Variants in PPP4R3B observed in about 807,000 individuals in gnomAD.
The protein encoded by PPP4R3B is serine/threonine-protein phosphatase 4 regulatory subunit 3B.
In PPP4R3B, 52 loss-of-function variants were observed where a neutral mutation model predicts 95.4. The ratio of observed to expected loss-of-function variants is 0.54; its 90% CI spans 0.44 to 0.69. PPP4R3B has a LOEUF of 0.69. Among genes scored for constraint, PPP4R3B ranks in the 30% least tolerant of loss-of-function variants. The pLI is 0.00. For synonymous variants in PPP4R3B, 407 were observed against 343.9 expected (o/e 1.18, Z -2.03); for missense variants, 1,003 against 1,005.9 (o/e 1.00, Z 0.04).
At chr2:55,615,664 G>A (rs1295598670) in intron 1 of PPP4R3B, among the ~76,000 whole-genome samples, 158 bp from the exon 2 acceptor site, 5 of 151,892 alleles carry the variant, frequency 3.3e-5, no homozygotes, top group Admixed American at 3.3e-4. Flanking sequence ...GACCATTCCA[G>A]CCAACATGGT....
intron 2 of PPP4R3B, among the ~76,000 whole-genome samples, chr2:55,609,320 T>A (rs1422959508): frequency 6.6e-6 from 1 of 152,198 alleles, no homozygotes; most frequent in Non-Finnish European, 1.5e-5. Flanking sequence ...AGGCCTTTTA[T>A]GATTCTTAAA....
At chr2:55,608,015 CTTTT>C (rs887061087) in intron 2 of PPP4R3B, among the ~76,000 whole-genome samples, 1 of 151,932 alleles carries the variant, frequency 6.6e-6, no homozygotes, top group African/African-American at 2.4e-5. Flanking sequence ...TTTTGCTCTT[CTTTT>C]TTTTGATACA....
At chr2:55,580,039 T>C (rs1689230967) in intron 8 of PPP4R3B, among the ~76,000 whole-genome samples, 1 of 152,184 alleles carries the variant, frequency 6.6e-6, no homozygotes, top group Non-Finnish European at 1.5e-5. Flanking sequence ...TCATATTATG[T>C]ACTAAGTAAA....
intron 2 of PPP4R3B, chr2:55,614,066 G>GA (rs551094535): frequency 6.6e-6 from 1 of 151,990 alleles, no homozygotes; most frequent in Non-Finnish European, 1.5e-5. Context: ...TCTAAACAGA[G>GA]AAAAAAGCTA....
At chr2:55,565,724 G>A (rs1035642905) in intron 13 of PPP4R3B, 12 of 211,526 alleles carry the variant, frequency 5.7e-5, no homozygotes, top group South Asian at 5.3e-4. Context: ...TTTTCTTTCT[G>A]GTACATTTGT....
chr2:55,565,587 A>AT (rs1345475262), intron 13 of PPP4R3B: 1 of 152,176 alleles, frequency 6.6e-6, no homozygotes, highest in Non-Finnish European at 1.5e-5. Flanking sequence ...TAAAAAATAA[A>AT]TACATGTACC....
intron 13 of PPP4R3B, among the ~76,000 whole-genome samples, chr2:55,566,030 A>C (rs1365584425): frequency 6.6e-6 from 1 of 152,192 alleles, no homozygotes; most frequent in African/African-American, 2.4e-5. Flanking sequence ...ATAACTTCTA[A>C]ATTCTAAACC....
intron 5 of PPP4R3B, 113 bp from the exon 6 acceptor site, chr2:55,586,847 G>A (rs1388919428): frequency 8.7e-6 from 5 of 572,960 alleles, no homozygotes; most frequent in Non-Finnish European, 1.5e-5. Context: ...CATCTTTTTG[G>A]AGTATGCTGG....
chr2:55,581,528 A>C (rs369540030), intron 8 of PPP4R3B, 39 bp downstream of exon 8: 27 of 1,592,938 alleles, frequency 1.7e-5, no homozygotes, highest in African/African-American at 2.7e-5. Context: ...CCTAAAACTG[A>C]CTAGGCCAAA....
At chr2:55,586,318 C>G (rs1690136187) in intron 6 of PPP4R3B, among the ~76,000 whole-genome samples, 1 of 152,092 alleles carries the variant, frequency 6.6e-6, no homozygotes, top group South Asian at 2.1e-4. Flanking sequence ...ACTCACTGAT[C>G]TAAAAACAAA....
intron 7 of PPP4R3B, among the ~76,000 whole-genome samples, chr2:55,584,347 A>C (rs1330993473): frequency 6.6e-6 from 1 of 152,038 alleles, no homozygotes; most frequent in Non-Finnish European, 1.5e-5. Flanking sequence ...TCTTTTTTTT[A>C]ATGTTTTTTA....
At chr2:55,591,144 CT>C (rs568526753) in intron 4 of PPP4R3B, among the ~76,000 whole-genome samples, 80 of 143,384 alleles carry the variant, frequency 5.6e-4, no homozygotes, top group Non-Finnish European at 6.8e-4. Context: ...TTAGTTTTTC[CT>C]TTTTTTTTTT....
At position 55,568,371 on chromosome 2, in the gene PPP4R3B, A is replaced by G. The variant is rs991577166; in HGVS notation, c.1766-8T>C. The G allele has an allele frequency of 6.3e-7, 1 of 1,586,904 alleles. No individual in the cohort carries two copies. Among genetic ancestry groups the G allele is most frequent in the African/African-American group, 1.4e-5 (1 of 73,756 alleles). On this transcript the variant is annotated splice_polypyrimidine_tract_variant and splice_region_variant and intron_variant, in intron 12 of 16. Coordinates refer to ENST00000616407, the MANE Select transcript of PPP4R3B (RefSeq NM_001122964.3). ...TCATAAAGCGAAGGGCACCTAATTA[A>G]AAATAATATAGGGAATAAGTTAATG...
intron 12 of PPP4R3B, 46 bp downstream of exon 12, chr2:55,573,573 T>A: frequency 6.7e-7 from 1 of 1,495,342 alleles, no homozygotes; most frequent in Non-Finnish European, 8.9e-7. Context: ...TAACTTCAGT[T>A]TTATCTCTAT....
In PPP4R3B at chr2:55,617,184, CTCCTCCACGTAA is replaced by C; in HGVS notation, c.90_101del (p.Tyr31_Glu34del). ...GAACCAGCAGCGACATCCCCTTGAG[CTCCTCCACGTAA>C]GTGGAGGAGACGTGCCCGGTGCCTC... On this transcript the variant is annotated inframe_deletion, in exon 1 of 17. Coordinates refer to ENST00000616407, the MANE Select transcript of PPP4R3B (RefSeq NM_001122964.3). 1 of 1,613,994 alleles carries C rather than the reference CTCCTCCACGTAA, an allele frequency of 6.2e-7. No individual in the cohort carries two copies. Among genetic ancestry groups the C allele is most frequent in the Non-Finnish European group, 8.5e-7 (1 of 1,179,922 alleles).
chr2:55,589,736 A>G (rs957342225), intron 4 of PPP4R3B, among the ~76,000 whole-genome samples: 2 of 151,314 alleles, frequency 1.3e-5, no homozygotes, highest in Non-Finnish European at 2.9e-5. Context: ...TAACATGGTA[A>G]AACCCTGTCT....
At chr2:55,573,521 C>T in intron 12 of PPP4R3B, 98 bp downstream of exon 12, 1 of 1,107,684 alleles carries the variant, frequency 9.0e-7, no homozygotes, top group Non-Finnish European at 1.3e-6. Context: ...ACAATCATCT[C>T]ATTCATAGAA....
chr2:55,611,438 CTT>C (rs1183076304), intron 2 of PPP4R3B, among the ~76,000 whole-genome samples: 1 of 152,220 alleles, frequency 6.6e-6, no homozygotes, highest in Non-Finnish European at 1.5e-5. Flanking sequence ...TAATGATTCT[CTT>C]CTCTTTCCAA....
At position 55,564,515 on chromosome 2, in the gene PPP4R3B, C is replaced by A. The variant is rs1687039498; in HGVS notation, c.2076-18G>T. Reference sequence around the variant, plus strand: ...ATGGTACACTGTAAGAAATATATCACAAATATTGAGTAATGATTTAAAGTT... The same window carrying A: ...ATGGTACACTGTAAGAAATATATCAAAAATATTGAGTAATGATTTAAAGTT... On this transcript the variant is annotated intron_variant, in intron 14 of 16. Transcript: ENST00000616407. The A allele has an allele frequency of 1.3e-6, 2 of 1,558,908 alleles. No homozygotes were observed. The highest frequency in any genetic ancestry group is 8.6e-7 in the Non-Finnish European group (1 of 1,157,016).
Sources: gnomAD v4.1 joint callset for allele counts (sites outside exome capture counted in the v4.1 genomes callset) on GRCh38, gnomAD v4.1.1 for gene constraint, MANE v1.5 for transcripts, NCBI Gene and HGNC (gene_info 2026-07-23, HGNC 2026-07-21) for gene names.